RORA: variants seen among roughly 807,000 people sequenced by gnomAD.
RORA encodes nuclear receptor ROR-alpha.
Under a neutral mutation model 69.5 loss-of-function variants are expected in RORA, and 7 were observed. The observed-to-expected ratio is 0.10, with a 90% CI of 0.06 to 0.19. The LOEUF is 0.19. Ranked by LOEUF, RORA falls within the 10% of genes least tolerant of loss-of-function variation. The pLI is 1.00. For synonymous variants in RORA, 261 were observed against 240.8 expected (o/e 1.08, Z -0.78); for missense variants, 457 against 663.0 (o/e 0.69, Z 3.41).
At chr15:60,690,308 G>A (rs1175327725) in intron 1 of RORA, among the ~76,000 whole-genome samples, 3 of 152,234 alleles carry the variant, frequency 2.0e-5, no homozygotes, top group African/African-American at 7.2e-5. Flanking sequence ...ATGTGACCAG[G>A]AGGGGTGTGT....
intron 2 of RORA, among the ~76,000 whole-genome samples, chr15:60,677,519 G>A (rs2070571763): frequency 6.6e-6 from 1 of 151,958 alleles, no homozygotes; most frequent in Non-Finnish European, 1.5e-5. Flanking sequence ...TGGAGAGACT[G>A]CAGGACAGGG....
At chr15:61,073,397 T>C (rs1175564125) in intron 1 of RORA, among the ~76,000 whole-genome samples, 1 of 152,214 alleles carries the variant, frequency 6.6e-6, no homozygotes, top group Non-Finnish European at 1.5e-5. Context: ...TCTCAAAAGC[T>C]TGCACTCATT....
intron 1 of RORA, among the ~76,000 whole-genome samples, chr15:60,794,625 TC>T (rs771914647): frequency 6.6e-5 from 10 of 152,170 alleles, no homozygotes; most frequent in Non-Finnish European, 1.2e-4. Flanking sequence ...GTCCCCAATA[TC>T]CCTATGAGCT....
intron 1 of RORA, among the ~76,000 whole-genome samples, chr15:60,816,697 C>T (rs887082128): frequency 6.7e-6 from 1 of 149,652 alleles, no homozygotes; most frequent in East Asian, 2.0e-4. Context: ...AACAAACCTG[C>T]ACGTTGTGCA....
At chr15:60,664,383 G>A (rs1476813702) in intron 2 of RORA, among the ~76,000 whole-genome samples, 1 of 152,146 alleles carries the variant, frequency 6.6e-6, no homozygotes, top group African/African-American at 2.4e-5. Flanking sequence ...CTGTGTGAAA[G>A]AGCAGCACAA....
intron 2 of RORA, among the ~76,000 whole-genome samples, chr15:60,618,777 T>C (rs2069324710): frequency 6.6e-6 from 1 of 152,228 alleles, no homozygotes; most frequent in Non-Finnish European, 1.5e-5. Flanking sequence ...AACATTTCTA[T>C]GTTATGGGAA....
rs139994469 is a variant in RORA, at chr15:61,045,107, T to A, written c.166+183946A>T. ...GTTTGGCTGTGTCTCCACCCACATC[T>A]CATCTTGAATTGTAGCTCCCATAAT... On this transcript the variant is annotated intron_variant, in intron 1 of 10. Coordinates refer to ENST00000335670, the MANE Select transcript of RORA (RefSeq NM_134261.3). 3.2e-3 allele frequency among the ~76,000 whole-genome samples: 482 copies of A among 152,298 alleles called. 5 individuals carry two copies. Among genetic ancestry groups the A allele is most frequent in the African/African-American group, 0.011 (451 of 41,572 alleles).
chr15:60,865,854 A>C (rs1399993530), intron 1 of RORA, among the ~76,000 whole-genome samples: 1 of 152,210 alleles, frequency 6.6e-6, no homozygotes, highest in African/African-American at 2.4e-5. Context: ...GCTGAGAGCT[A>C]TAATGAAGAT....
rs942121326 is a variant in RORA at position 60,942,478 on chromosome 15, C to A, written c.167-263792G>T. On this transcript the variant is annotated intron_variant, in intron 1 of 10. Coordinates refer to ENST00000335670, the MANE Select transcript of RORA (RefSeq NM_134261.3). ...AAGCAAGATGTTCGGCAATTATTTG[C>A]CCATGGATGAAAAGGTGTATGCTTA... 2.6e-5 allele frequency among the ~76,000 whole-genome samples: 4 copies of A among 152,196 alleles called. No individual in the cohort carries two copies. The East Asian group carries it at 7.7e-4, about 29-fold the overall frequency.
chr15:61,175,866 C>T (rs8037699), intron 1 of RORA, among the ~76,000 whole-genome samples: 121,174 of 152,044 alleles, frequency 0.8, 48,694 homozygotes, highest in Non-Finnish European at 0.85. Flanking sequence ...AGTTTTATTT[C>T]TTAATCTCAT....
chr15:61,047,767 T>C (rs534623052), intron 1 of RORA, among the ~76,000 whole-genome samples: 1 of 152,340 alleles, frequency 6.6e-6, no homozygotes, highest in East Asian at 1.9e-4. Flanking sequence ...TATTTATATA[T>C]GCAATAGACC....
intron 2 of RORA, among the ~76,000 whole-genome samples, chr15:60,588,484 T>C (rs547615321): frequency 3.5e-5 from 4 of 114,792 alleles, no homozygotes; most frequent in South Asian, 2.7e-4. Flanking sequence ...ATCCATCCAG[T>C]AACTTTTCTC....
intron 1 of RORA, among the ~76,000 whole-genome samples, chr15:60,804,294 A>G (rs2072628334): frequency 6.6e-6 from 1 of 150,460 alleles, no homozygotes; most frequent in East Asian, 1.9e-4. Flanking sequence ...TCTCAAAAAA[A>G]AAAAAAAAAA....
At chr15:61,079,575 A>T (rs2140650542) in intron 1 of RORA, among the ~76,000 whole-genome samples, 1 of 152,336 alleles carries the variant, frequency 6.6e-6, no homozygotes, top group East Asian at 1.9e-4. Flanking sequence ...TTTCAGAGGA[A>T]TTAGGTAAAA....
intron 2 of RORA, among the ~76,000 whole-genome samples, chr15:60,578,684 T>C (rs1260957152): frequency 6.6e-6 from 1 of 152,076 alleles, no homozygotes; most frequent in East Asian, 1.9e-4. Flanking sequence ...TAAAGAACAT[T>C]AAAAAGGTAT....
chr15:61,027,392 G>A (rs1895881797), intron 1 of RORA, among the ~76,000 whole-genome samples: 1 of 152,174 alleles, frequency 6.6e-6, no homozygotes, highest in Admixed American at 6.6e-5. Flanking sequence ...GAAATGAAAG[G>A]GCAGAGGTGG....
At chr15:60,536,410 G>C (rs886926906) in intron 2 of RORA, among the ~76,000 whole-genome samples, 1 of 152,190 alleles carries the variant, frequency 6.6e-6, no homozygotes. Context: ...GGTGGGGATA[G>C]AGAAAAGCTG....
intron 1 of RORA, among the ~76,000 whole-genome samples, chr15:60,855,891 A>C (rs181203926): frequency 3.9e-5 from 6 of 152,374 alleles, no homozygotes; most frequent in Admixed American, 3.9e-4. Context: ...CTGGGATTAC[A>C]GGTGTGAGCC....
At chr15:60,544,717 C>T (rs111927533) in intron 2 of RORA, 2 of 152,216 alleles carry the variant, frequency 1.3e-5, no homozygotes, top group African/African-American at 4.8e-5. Context: ...ACTAATTGTG[C>T]CCTTTTGCTT....
Sources: allele counts gnomAD v4.1 joint callset (sites outside exome capture counted in the v4.1 genomes callset), GRCh38; gene constraint gnomAD v4.1.1; transcripts MANE v1.5; gene names NCBI Gene and HGNC (gene_info 2026-07-23, HGNC 2026-07-21).